PRAMEF20: variants seen among roughly 807,000 people sequenced by gnomAD.
The protein encoded by PRAMEF20 is PRAME family member 20/21.
PRAMEF20 carries 27 observed loss-of-function variants against 32.4 expected under a neutral mutation model. The observed-to-expected ratio is 0.83, with a 90% confidence interval of 0.61 to 1.15. The LOEUF (loss-of-function observed/expected upper bound fraction) is 1.15, where lower values mean the gene tolerates loss of function less well. Among genes scored for constraint, PRAMEF20 ranks in the 50% most tolerant of loss-of-function variants. PRAMEF20 has a pLI of 0.00. For missense variants in PRAMEF20, 604 were observed against 584.5 expected, an observed-to-expected ratio of 1.03 and a Z score of -0.34; for synonymous variants, 256 against 235.4, an observed-to-expected ratio of 1.09 and a Z score of -0.80.
At chr1:13,416,397 C>A (rs763696662) in exon 1 of PRAMEF20, 6 of 1,613,446 alleles carry the variant, frequency 3.7e-6, no homozygotes, top group South Asian at 1.1e-5. Flanking sequence ...GCTGGCGGGG[C>A]GGAGCCTGCT....
At chr1:13,418,491 C>A in exon 2 of PRAMEF20, 1 of 1,613,898 alleles carries the variant, frequency 6.2e-7, no homozygotes, top group Non-Finnish European at 8.5e-7. Context: ...GGACACTGCC[C>A]GTCCTGGCAG....
upstream of PRAMEF20, among the ~76,000 whole-genome samples, chr1:13,414,808 TAG>T (rs1485762694): frequency 6.6e-6 from 1 of 151,204 alleles, no homozygotes. Flanking sequence ...TATATATATA[TAG>T]AGAGAGAGAG....
upstream of PRAMEF20, among the ~76,000 whole-genome samples, chr1:13,411,952 C>T (rs1641118492): frequency 6.6e-6 from 1 of 152,084 alleles, no homozygotes; most frequent in South Asian, 2.1e-4. Context: ...GAGACTTTTT[C>T]TCTGGTGTCC....
At chr1:13,421,164 G>C in exon 3 of PRAMEF20, 1 of 1,613,900 alleles carries the variant, frequency 6.2e-7, no homozygotes, top group Non-Finnish European at 8.5e-7. Flanking sequence ...AGGGCCTTAA[G>C]GGAGCCCGAG....
At chr1:13,419,500 T>C (rs1641219152) in intron 2 of PRAMEF20, among the ~76,000 whole-genome samples, 1 of 151,620 alleles carries the variant, frequency 6.6e-6, no homozygotes, top group African/African-American at 2.4e-5. Context: ...TTGCTCTGTC[T>C]CGCTTTATTG....
At chr1:13,418,504 T>C in exon 2 of PRAMEF20, 2 of 1,613,776 alleles carry the variant, frequency 1.2e-6, no homozygotes, top group South Asian at 2.2e-5. Flanking sequence ...CCTGGCAGAG[T>C]TTACCCCATA....
chr1:13,414,349 TC>T (rs1243067414), upstream of PRAMEF20, among the ~76,000 whole-genome samples: 1 of 151,518 alleles, frequency 6.6e-6, no homozygotes, highest in Admixed American at 6.6e-5. Flanking sequence ...GTGAGCCACC[TC>T]ACCCAGCCTT....
At chr1:13,411,188 G>A in the PRAMEF20 span, among the ~76,000 whole-genome samples, 2 of 152,050 alleles carry the variant, frequency 1.3e-5, no homozygotes, top group African/African-American at 2.4e-5. Context: ...AATTAGCCGG[G>A]CATGGTGGCA....
intron 1 of PRAMEF20, among the ~76,000 whole-genome samples, chr1:13,417,913 TGTGTG>T (rs1641198339): frequency 1.2e-4 from 9 of 73,774 alleles, no homozygotes; most frequent in African/African-American, 4.8e-4. Flanking sequence ...GGCTAATTTG[TGTGTG>T]TGTGTGTGTG....
Position 13,417,870 on chromosome 1 carries a change from T to C in PRAMEF20, c.288-252T>C, listed in dbSNP as rs1344218920. Reference sequence around the variant, plus strand: ...TATTCTCCTGCCTCAGCCTCCCGAGTAGCTGGGACTACAGGCGCCCGCCAC... The same window carrying C: ...TATTCTCCTGCCTCAGCCTCCCGAGCAGCTGGGACTACAGGCGCCCGCCAC... On this transcript the variant is annotated intron_variant, in intron 1 of 2. Coordinates refer to ENST00000602960, the Ensembl canonical transcript of PRAMEF20. Among the ~76,000 whole-genome samples, 38 of 145,518 alleles carry C rather than the reference T, an allele frequency of 2.6e-4. No homozygotes were observed. The East Asian group carries it at 3.6e-3, about 14-fold the overall frequency.
upstream of PRAMEF20, among the ~76,000 whole-genome samples, chr1:13,412,061 A>ATTTATTTATTTATTTATTTAATTTAATTT (rs1641120082): frequency 2.7e-5 from 4 of 149,930 alleles, no homozygotes; most frequent in African/African-American, 9.8e-5. Context: ...TAATTTAATT[A>ATTTATTTATTTATTTATTTAATTTAATTT]ATTTATTTAT....
At chr1:13,414,179 C>G (rs1452148576), upstream of PRAMEF20, among the ~76,000 whole-genome samples, 1 of 149,742 alleles carries the variant, frequency 6.7e-6, no homozygotes, top group Non-Finnish European at 1.5e-5. Context: ...GTAGCTGGGA[C>G]TACAGGCACC....
intron 1 of PRAMEF20, among the ~76,000 whole-genome samples, chr1:13,417,459 T>A (rs936507018): frequency 2.6e-5 from 4 of 151,784 alleles, no homozygotes; most frequent in Admixed American, 6.6e-5. Context: ...AAAAATTAGC[T>A]GGGCATGGTA....
exon 2 of PRAMEF20, chr1:13,418,219 A>T (rs1641203602): frequency 6.2e-7 from 1 of 1,613,756 alleles, no homozygotes; most frequent in Non-Finnish European, 8.5e-7. Context: ...ACCAAATGCC[A>T]TGATGAACAG....
upstream of PRAMEF20, among the ~76,000 whole-genome samples, chr1:13,412,049 T>A (rs1244069310): frequency 1.4e-5 from 2 of 144,208 alleles, no homozygotes; most frequent in Non-Finnish European, 3.1e-5. Flanking sequence ...TATTTATTTA[T>A]TTAATTTAAT....
At chr1:13,418,406 T>C (rs1000414338) in exon 2 of PRAMEF20, 81 of 1,613,890 alleles carry the variant, frequency 5.0e-5, no homozygotes, top group South Asian at 2.0e-4. Context: ...TTGGGAATGC[T>C]CTTCCACAAT....
At chr1:13,416,782 C>T (rs542993986) in intron 1 of PRAMEF20, 141 bp downstream of exon 2, 4 of 1,544,784 alleles carry the variant, frequency 2.6e-6, no homozygotes, top group South Asian at 2.4e-5. Flanking sequence ...AGGCCTTGGC[C>T]ATTGCCCAGC....
chr1:13,419,410 A>C (rs1340965374), intron 2 of PRAMEF20, among the ~76,000 whole-genome samples: 2 of 152,076 alleles, frequency 1.3e-5, no homozygotes, highest in East Asian at 3.9e-4. Context: ...CGGCCTCCCA[A>C]AGTGTCAGGA....
exon 2 of PRAMEF20, chr1:13,418,613 C>G: frequency 1.9e-6 from 3 of 1,613,988 alleles, no homozygotes; most frequent in East Asian, 2.2e-5. Context: ...ACCCAGTTCA[C>G]CACTCAGTTC....
Sources: allele counts gnomAD v4.1 joint callset (sites outside exome capture counted in the v4.1 genomes callset), GRCh38; gene constraint gnomAD v4.1.1; transcripts MANE v1.5; gene names NCBI Gene and HGNC (gene_info 2026-07-23, HGNC 2026-07-21).